UBE2E2: variants seen among roughly 807,000 people sequenced by gnomAD.
UBE2E2 encodes ubiquitin conjugating enzyme E2 E2.
In UBE2E2, 6 loss-of-function variants were observed where a neutral mutation model predicts 24.7. The ratio of observed to expected loss-of-function variants is 0.24; its 90% CI spans 0.13 to 0.48. The LOEUF is 0.48. Ranked by LOEUF, UBE2E2 falls within the 20% of genes least tolerant of loss-of-function variation. The probability of loss-of-function intolerance (pLI) is 0.99; values close to 1 mark genes in which losing one functional copy is unlikely to be tolerated. For missense variants in UBE2E2, 169 were observed against 245.0 expected (o/e 0.69, Z 2.07); for synonymous variants, 104 against 83.6 (o/e 1.24, Z -1.33).
chr3:23,341,798 T>A (rs998166539), intron 3 of UBE2E2, among the ~76,000 whole-genome samples: 1 of 152,242 alleles, frequency 6.6e-6, no homozygotes, highest in African/African-American at 2.4e-5. Context: ...GCCAATTTTT[T>A]CTTTGTGAAA....
In UBE2E2 at chr3:23,407,647, ATGTGTGTGTGTGTG is replaced by A. The variant is rs71974866; in HGVS notation, c.228-91931_228-91918del. 7.0e-4 allele frequency among the ~76,000 whole-genome samples: 96 copies of A among 138,112 alleles called. No homozygotes were observed. Among genetic ancestry groups the A allele is most frequent in the South Asian group, 2.5e-3 (10 of 4,018 alleles). 90.6% of individuals were successfully genotyped at this position (138,112 alleles called of 152,430 possible). A position where few individuals can be genotyped will look rare whatever the true frequency, so the allele number is the denominator to read the frequency against. ...TGTGTGTTTGTGTGTGCATGCGTGC[ATGTGTGTGTGTGTG>A]TGTGTGTGTGTGTGTGTGTGTGTGT... On this transcript the variant is annotated intron_variant, in intron 3 of 5. Coordinates refer to ENST00000396703, the MANE Select transcript of UBE2E2 (RefSeq NM_152653.4). This position sits in a 1 kb window ranked among gnomAD's most constrained non-coding sequence, Gnocchi z 4.0.
rs534733137 is a variant in UBE2E2 at position 23,474,461 on chromosome 3, C to T, written c.228-25147C>T. On this transcript the variant is annotated intron_variant, in intron 3 of 5. Coordinates refer to ENST00000396703, the MANE Select transcript of UBE2E2 (RefSeq NM_152653.4). The surrounding 1 kb of genome is among the most constrained non-coding windows in gnomAD (Gnocchi z 4.0). ...CGTGCAGATTTCAGACACAAATACA[C>T]GTTATTGTACATTTCTAATAATCTA... 6.6e-4 allele frequency among the ~76,000 whole-genome samples: 100 copies of T among 152,044 alleles called. 1 individual carries two copies. Among genetic ancestry groups the T allele is most frequent in the African/African-American group, 2.3e-3 (96 of 41,384 alleles).
chr3:23,540,606 T>C (rs762863852), intron 5 of UBE2E2, among the ~76,000 whole-genome samples: 6 of 152,164 alleles, frequency 3.9e-5, no homozygotes, highest in Non-Finnish European at 7.4e-5. Context: ...GGTTTCACCA[T>C]GTTGATCAGG....
At chr3:23,379,596 A>T (rs1054178318) in intron 3 of UBE2E2, among the ~76,000 whole-genome samples, 1 of 151,540 alleles carries the variant, frequency 6.6e-6, no homozygotes, top group Non-Finnish European at 1.5e-5. Flanking sequence ...ATGGCTGCAT[A>T]GTATTCCATG....
chr3:23,413,208 TAAA>T (rs5847232), intron 3 of UBE2E2, among the ~76,000 whole-genome samples: 1 of 151,040 alleles, frequency 6.6e-6, no homozygotes, highest in South Asian at 2.1e-4. Flanking sequence ...ATAATAAAAT[TAAA>T]AAAAAATCTG....
chr3:23,535,654 C>T (rs1406270787), intron 5 of UBE2E2, among the ~76,000 whole-genome samples: 4 of 119,968 alleles, frequency 3.3e-5, no homozygotes, highest in Admixed American at 1.0e-4. Flanking sequence ...GATGGAGTCT[C>T]GCTCTGTCGC....
intron 3 of UBE2E2, among the ~76,000 whole-genome samples, chr3:23,308,899 A>G (rs1476660423): frequency 6.6e-6 from 1 of 152,164 alleles, no homozygotes; most frequent in Non-Finnish European, 1.5e-5. Context: ...ATCCCCCAAG[A>G]GGCTGCTGGT....
At position 23,560,435 on chromosome 3, in the gene UBE2E2, A is replaced by G. The variant is rs540795426; in HGVS notation, c.508+27734A>G. 2.6e-5 allele frequency among the ~76,000 whole-genome samples: 4 copies of G among 152,198 alleles called. No homozygotes were observed. In the South Asian group the frequency reaches 8.3e-4, roughly 32 times the overall value. On this transcript the variant is annotated intron_variant, in intron 5 of 5. Coordinates refer to ENST00000396703, the MANE Select transcript of UBE2E2 (RefSeq NM_152653.4). ...GGCTGCATAATATTCCATAGTGTAT[A>G]TGTGCCACATTTTCTTAATCCAGTC...
intron 3 of UBE2E2, among the ~76,000 whole-genome samples, chr3:23,447,531 C>T (rs930403343): frequency 6.6e-6 from 1 of 152,134 alleles, no homozygotes; most frequent in Non-Finnish European, 1.5e-5. Flanking sequence ...TTTCAAGATA[C>T]ACTACCTCAA....
At chr3:23,335,534 A>C (rs1297375063) in intron 3 of UBE2E2, among the ~76,000 whole-genome samples, 1 of 152,108 alleles carries the variant, frequency 6.6e-6, no homozygotes, top group African/African-American at 2.4e-5. Flanking sequence ...GTGAAATTTA[A>C]AAAAGGTTTT....
At chr3:23,548,575 T>A (rs1695573389) in intron 5 of UBE2E2, among the ~76,000 whole-genome samples, 1 of 152,136 alleles carries the variant, frequency 6.6e-6, no homozygotes, top group Non-Finnish European at 1.5e-5. Flanking sequence ...GTATTCTTGG[T>A]TGTTCCTTCT....
intron 4 of UBE2E2, among the ~76,000 whole-genome samples, chr3:23,520,113 CA>C (rs1222251624): frequency 4.3e-5 from 6 of 141,046 alleles, no homozygotes; most frequent in Admixed American, 6.8e-5. Context: ...TTTTTTCTGT[CA>C]TTTTCTTTAA....
intron 3 of UBE2E2, among the ~76,000 whole-genome samples, chr3:23,406,723 G>A (rs1251508124): frequency 6.6e-6 from 1 of 152,180 alleles, no homozygotes; most frequent in African/African-American, 2.4e-5. Context: ...ACAATTGACT[G>A]TAAGGAAGAT....
chr3:23,270,785 A>G (rs1361232597), intron 3 of UBE2E2, among the ~76,000 whole-genome samples: 2 of 152,224 alleles, frequency 1.3e-5, no homozygotes, highest in East Asian at 3.8e-4. Context: ...ACTAGTTACA[A>G]TGTTTAACAG....
intron 4 of UBE2E2, among the ~76,000 whole-genome samples, chr3:23,507,491 T>G (rs996879286): frequency 6.6e-6 from 1 of 152,228 alleles, no homozygotes; most frequent in African/African-American, 2.4e-5. Context: ...TAAAAATTTG[T>G]TGAATTAGTT....
rs1414012504 is a variant in UBE2E2, at chr3:23,407,646, CATGTGTGT to C, written c.228-91961_228-91954del. ...GTGTGTGTTTGTGTGTGCATGCGTGCATGTGTGTGTGTGTGTGTGTGTGTGTGTGTGTG... is the reference window on the plus strand; with the variant it reads ...GTGTGTGTTTGTGTGTGCATGCGTGCGTGTGTGTGTGTGTGTGTGTGTGTG... On this transcript the variant is annotated intron_variant, in intron 3 of 5. Transcript: ENST00000396703. The surrounding 1 kb of genome is among the most constrained non-coding windows in gnomAD (Gnocchi z 4.0). 1.7e-4 allele frequency among the ~76,000 whole-genome samples: 16 copies of C among 93,590 alleles called. No individual in the cohort carries two copies. Among genetic ancestry groups the C allele is most frequent in the African/African-American group, 7.9e-4 (14 of 17,798 alleles). The allele number at this position is 93,590 out of a possible 152,430, so 61.4% of individuals were successfully genotyped here.
intron 3 of UBE2E2, among the ~76,000 whole-genome samples, chr3:23,285,653 G>T (rs1317245532): frequency 1.1e-4 from 17 of 152,168 alleles, no homozygotes; most frequent in Non-Finnish European, 1.5e-5. Context: ...TCATATGGCT[G>T]TTTGCCATTT....
At position 23,480,839 on chromosome 3, in the gene UBE2E2, C is replaced by G. The variant is rs114689204; in HGVS notation, c.228-18769C>G. The stretch of plus-strand genomic sequence containing the variant: ...TATATGTAGCAAAATAAAAATGAAA[C>G]TAAGCATTAGAGAAACCTTTCTAGT... On this transcript the variant is annotated intron_variant, in intron 3 of 5. Coordinates refer to ENST00000396703, the MANE Select transcript of UBE2E2 (RefSeq NM_152653.4). 8.1e-3 allele frequency among the ~76,000 whole-genome samples: 1,234 copies of G among 152,210 alleles called. 13 individuals carry two copies. Among genetic ancestry groups the G allele is most frequent in the African/African-American group, 0.028 (1,180 of 41,532 alleles).
chr3:23,292,471 G>A (rs541054815), intron 3 of UBE2E2, among the ~76,000 whole-genome samples: 2 of 152,180 alleles, frequency 1.3e-5, no homozygotes, highest in South Asian at 4.2e-4. Context: ...CTTGAAGCCA[G>A]TGACACTACA....
Sources: allele counts gnomAD v4.1 joint callset (sites outside exome capture counted in the v4.1 genomes callset), GRCh38; gene constraint gnomAD v4.1.1; non-coding constraint Gnocchi (gnomAD v3.1); transcripts MANE v1.5; gene names NCBI Gene and HGNC (gene_info 2026-07-23, HGNC 2026-07-21).